Variants in MAD1L1 observed in about 807,000 individuals in gnomAD.
MAD1L1 encodes the protein mitotic spindle assembly checkpoint protein MAD1.
In MAD1L1, 95 loss-of-function variants were observed where a neutral mutation model predicts 96.9. The ratio of observed to expected loss-of-function variants is 0.98; its 90% CI spans 0.83 to 1.16. The LOEUF (loss-of-function observed/expected upper bound fraction) is 1.16. Ranked by LOEUF, MAD1L1 falls within the 50% of genes most tolerant of loss-of-function variation. The pLI is 0.00. For missense variants in MAD1L1, 1,007 were observed against 954.4 expected, an observed-to-expected ratio of 1.06 and a Z score of -0.73; for synonymous variants, 473 against 396.6, an observed-to-expected ratio of 1.19 and a Z score of -2.29.
intron 11 of MAD1L1, among the ~76,000 whole-genome samples, chr7:2,111,193 G>A (rs912999511): frequency 2.6e-5 from 4 of 152,150 alleles, no homozygotes; most frequent in Admixed American, 2.0e-4. Context: ...CCCGCCCCTC[G>A]CTCCCCCCAC....
intron 15 of MAD1L1, among the ~76,000 whole-genome samples, chr7:1,970,281 C>A (rs1262854292): frequency 6.7e-6 from 1 of 150,154 alleles, no homozygotes; most frequent in Non-Finnish European, 1.5e-5. Flanking sequence ...GTTCATAGAG[C>A]TGTATCCTAT....
At chr7:1,849,128 G>GTA (rs1554271815) in intron 18 of MAD1L1, 9 of 152,716 alleles carry the variant, frequency 5.9e-5, no homozygotes, top group Admixed American at 2.0e-4. Context: ...ACACAGACAT[G>GTA]CACACACACG....
intron 9 of MAD1L1, 36 bp from the exon 10 acceptor site, chr7:2,213,309 C>G (rs767874610): frequency 6.3e-7 from 1 of 1,589,452 alleles, no homozygotes; most frequent in African/African-American, 1.3e-5. Flanking sequence ...CCTGTCATCA[C>G]CTGCCACAGG....
intron 14 of MAD1L1, among the ~76,000 whole-genome samples, chr7:1,997,031 C>T (rs780025048): frequency 3.9e-5 from 6 of 152,078 alleles, no homozygotes; most frequent in Non-Finnish European, 5.9e-5. Flanking sequence ...AATGATACGA[C>T]GATGGCCCAG....
Position 1,968,474 on chromosome 7 carries a change from T to A in MAD1L1, c.1506-10755A>T, listed in dbSNP as rs1393662689. Among the ~76,000 whole-genome samples, 1 of 150,182 alleles carries A rather than the reference T, an allele frequency of 6.7e-6. No individual in the cohort carries two copies. Among genetic ancestry groups the A allele is most frequent in the Non-Finnish European group, 1.5e-5 (1 of 67,750 alleles). On this transcript the variant is annotated intron_variant, in intron 15 of 18. Coordinates refer to ENST00000265854, the MANE Select transcript of MAD1L1 (RefSeq NM_001013836.2). The surrounding 1 kb of genome is among the most constrained non-coding windows in gnomAD (Gnocchi z 5.6). The stretch of plus-strand genomic sequence containing the variant: ...GTCATGTCCACCATCAATGCCTCAG[T>A]CCAGCGGTCAGGTCCACTGTCCATG...
chr7:1,927,227 A>C (rs1045973087), intron 17 of MAD1L1, among the ~76,000 whole-genome samples: 2 of 152,228 alleles, frequency 1.3e-5, no homozygotes, highest in African/African-American at 4.8e-5. Flanking sequence ...GATGAAAGAA[A>C]ATAAGAAGAA....
At chr7:2,076,754 T>C (rs1315341512) in intron 11 of MAD1L1, among the ~76,000 whole-genome samples, 2 of 151,134 alleles carry the variant, frequency 1.3e-5, no homozygotes, top group East Asian at 1.9e-4. Context: ...GCCCGCAACA[T>C]GGTGAGCCCA....
intron 15 of MAD1L1, among the ~76,000 whole-genome samples, chr7:1,975,082 G>A (rs934141516): frequency 7.2e-5 from 11 of 152,230 alleles, no homozygotes; most frequent in African/African-American, 2.4e-4. Flanking sequence ...TGGTGGTCAC[G>A]GGCCTGCTGA....
At chr7:2,006,053 G>A (rs1420029376) in intron 13 of MAD1L1, among the ~76,000 whole-genome samples, 4 of 152,102 alleles carry the variant, frequency 2.6e-5, no homozygotes, top group Admixed American at 1.3e-4. Flanking sequence ...GCAGGAGGGA[G>A]CTCAGGTCTG....
At chr7:1,818,269 G>C (rs1297670160) in intron 18 of MAD1L1, among the ~76,000 whole-genome samples, 7 of 152,272 alleles carry the variant, frequency 4.6e-5, no homozygotes, top group Non-Finnish European at 7.4e-5. Context: ...GGCTGGGCCT[G>C]ACGCACTGTG....
intron 11 of MAD1L1, 74 bp from the exon 12 acceptor site, chr7:2,069,412 G>A: frequency 7.1e-7 from 1 of 1,401,268 alleles, no homozygotes; most frequent in East Asian, 2.6e-5. Flanking sequence ...CCCCACCCCA[G>A]GAACGAGCCC....
chr7:1,993,502 G>C, intron 14 of MAD1L1, among the ~76,000 whole-genome samples: 1 of 152,214 alleles, frequency 6.6e-6, no homozygotes, highest in East Asian at 1.9e-4. Flanking sequence ...CTGAGGCTCT[G>C]CTAGCTCACA....
Position 1,816,238 on chromosome 7 carries a change from A to G in MAD1L1, c.1999-10T>C, listed in dbSNP as rs374595397. ...CCGAGGGGCTGGTGGCCTGCGGGGCAGTCAAGAAAGAGACAAGACAGCGGT... is the reference window on the plus strand; with the variant it reads ...CCGAGGGGCTGGTGGCCTGCGGGGCGGTCAAGAAAGAGACAAGACAGCGGT... On this transcript the variant is annotated splice_polypyrimidine_tract_variant and intron_variant, in intron 18 of 18. Coordinates refer to ENST00000265854, the MANE Select transcript of MAD1L1 (RefSeq NM_001013836.2). The G allele has an allele frequency of 2.3e-3, 3,706 of 1,608,916 alleles. 83 individuals carry two copies. The African/African-American group carries it at 0.041, about 18-fold the overall frequency.
chr7:1,906,087 C>A (rs4410799), intron 17 of MAD1L1, among the ~76,000 whole-genome samples: 2,651 of 149,962 alleles, frequency 0.018, 71 homozygotes, highest in African/African-American at 0.062. Context: ...CGGGGCCTAG[C>A]TGTTTACCAA....
intron 16 of MAD1L1, among the ~76,000 whole-genome samples, chr7:1,941,046 G>A (rs1778973374): frequency 2.4e-5 from 1 of 41,330 alleles, no homozygotes; most frequent in Non-Finnish European, 5.2e-5. Flanking sequence ...CTCCTGAAGG[G>A]ACCTCCAGGT....
At chr7:2,208,160 T>C (rs575083815) in intron 10 of MAD1L1, among the ~76,000 whole-genome samples, 52 of 152,312 alleles carry the variant, frequency 3.4e-4, no homozygotes, top group African/African-American at 1.2e-3. Context: ...CTTATATGCA[T>C]TCCTAATATT....
chr7:1,877,164 C>T (rs1039120333), intron 18 of MAD1L1, among the ~76,000 whole-genome samples: 1 of 152,034 alleles, frequency 6.6e-6, no homozygotes, highest in African/African-American at 2.4e-5. Context: ...TGAAAACAGA[C>T]TGACATAGAG....
chr7:1,885,796 T>C (rs1003902747), intron 18 of MAD1L1, among the ~76,000 whole-genome samples: 2 of 152,098 alleles, frequency 1.3e-5, no homozygotes, highest in African/African-American at 4.8e-5. Flanking sequence ...GCCCTTCCAG[T>C]CCTGTCTCTC....
Position 1,935,400 on chromosome 7 carries a change from C to G in MAD1L1, c.1807+1287G>C, listed in dbSNP as rs73050180. ...CCTCAATCTGGCAACACAGGCCCCCCCTTCTGGCTTTTGTCCTCCAACCCC... is the reference window on the plus strand; with the variant it reads ...CCTCAATCTGGCAACACAGGCCCCCGCTTCTGGCTTTTGTCCTCCAACCCC... On this transcript the variant is annotated intron_variant, in intron 17 of 18. Transcript: ENST00000265854. 7.5e-4 allele frequency among the ~76,000 whole-genome samples: 114 copies of G among 152,328 alleles called. No individual in the cohort carries two copies. In the Middle Eastern group the frequency reaches 0.017, roughly 23 times the overall value.
Sources: allele counts gnomAD v4.1 joint callset (sites outside exome capture counted in the v4.1 genomes callset), GRCh38; gene constraint gnomAD v4.1.1; non-coding constraint Gnocchi (gnomAD v3.1); transcripts MANE v1.5; gene names NCBI Gene and HGNC (gene_info 2026-07-23, HGNC 2026-07-21).